Variants in CAPN13 observed in about 807,000 individuals in gnomAD.
CAPN13 encodes calpain 13, also known as calpain-13.
Under a neutral mutation model 98.4 loss-of-function variants are expected in CAPN13, and 90 were observed. The observed-to-expected ratio is 0.92, with a 90% CI of 0.77 to 1.09. The LOEUF (loss-of-function observed/expected upper bound fraction) is 1.09. Ranked by LOEUF, CAPN13 falls within the 50% of genes least tolerant of loss-of-function variation. CAPN13 has a pLI of 0.00. For missense variants in CAPN13, 887 were observed against 841.3 expected, an observed-to-expected ratio of 1.05 and a Z score of -0.67; for synonymous variants, 330 against 305.5, an observed-to-expected ratio of 1.08 and a Z score of -0.84.
intron 15 of CAPN13, chr2:30,741,635 CA>C (rs1671661816): frequency 8.0e-7 from 1 of 1,247,970 alleles, no homozygotes; most frequent in East Asian, 3.6e-5. Flanking sequence ...ATTTAGAGGG[CA>C]ATGCACCTCA....
intron 22 of CAPN13, among the ~76,000 whole-genome samples, chr2:30,730,073 A>C (rs2147941432): frequency 6.6e-6 from 1 of 152,340 alleles, no homozygotes; most frequent in East Asian, 1.9e-4. Context: ...AGGAATACCT[A>C]ACACTCGGAG....
intron 1 of CAPN13, among the ~76,000 whole-genome samples, chr2:30,799,269 G>T (rs1171597599): frequency 6.6e-6 from 1 of 152,218 alleles, no homozygotes; most frequent in African/African-American, 2.4e-5. Flanking sequence ...AAGAACATGT[G>T]AGTATTTCTC....
At chr2:30,763,881 A>G (rs1489471115) in intron 6 of CAPN13, among the ~76,000 whole-genome samples, 2 of 152,196 alleles carry the variant, frequency 1.3e-5, no homozygotes, top group Non-Finnish European at 2.9e-5. Context: ...GCCACTTATG[A>G]GCTGTGTGTT....
At chr2:30,775,479 A>G (rs1209583909) in intron 4 of CAPN13, among the ~76,000 whole-genome samples, 4 of 152,122 alleles carry the variant, frequency 2.6e-5, no homozygotes, top group Admixed American at 1.3e-4. Flanking sequence ...TAAAAAAAAT[A>G]GACAAAATAA....
At chr2:30,738,706 T>C (rs376207020) in intron 15 of CAPN13, among the ~76,000 whole-genome samples, 15 of 152,150 alleles carry the variant, frequency 9.9e-5, no homozygotes, top group African/African-American at 3.4e-4. Flanking sequence ...TTCCTGTCTT[T>C]ATCTATTACT....
intron 12 of CAPN13, 69 bp from the exon 13 acceptor site, chr2:30,743,648 A>C: frequency 7.3e-7 from 1 of 1,366,000 alleles, no homozygotes; most frequent in Non-Finnish European, 1.0e-6. Flanking sequence ...TCACCAAGAA[A>C]GACCCACCAC....
chr2:30,744,548 A>C (rs1671813203), intron 12 of CAPN13, among the ~76,000 whole-genome samples: 1 of 152,006 alleles, frequency 6.6e-6, no homozygotes, highest in African/African-American at 2.4e-5. Context: ...GTGCATGGGG[A>C]GGCAGTGGGC....
At chr2:30,780,764 G>A (rs1244083575) in intron 2 of CAPN13, among the ~76,000 whole-genome samples, 3 of 152,288 alleles carry the variant, frequency 2.0e-5, no homozygotes, top group Middle Eastern at 3.4e-3. Context: ...CTTTAGAGCT[G>A]TGACCAATAA....
At chr2:30,738,901 G>A (rs192028478) in intron 15 of CAPN13, among the ~76,000 whole-genome samples, 24 of 152,148 alleles carry the variant, frequency 1.6e-4, no homozygotes, top group Non-Finnish European at 2.2e-4. Flanking sequence ...GTGTGTGTGC[G>A]TGCACGTGTG....
chr2:30,777,866 T>C (rs559269194), intron 2 of CAPN13, among the ~76,000 whole-genome samples: 6 of 152,296 alleles, frequency 3.9e-5, no homozygotes, highest in African/African-American at 1.4e-4. Flanking sequence ...TGCATTAGCA[T>C]ACTACATGGA....
intron 8 of CAPN13, among the ~76,000 whole-genome samples, chr2:30,757,357 C>T (rs374101357): frequency 1.4e-4 from 21 of 152,340 alleles, no homozygotes; most frequent in South Asian, 8.3e-4. Flanking sequence ...AATGCCAGCC[C>T]AGTTCCCTGG....
At chr2:30,764,420 T>C (rs767997990) in intron 5 of CAPN13, 114 bp from the exon 6 acceptor site, 2 of 1,164,632 alleles carry the variant, frequency 1.7e-6, no homozygotes, top group Non-Finnish European at 2.4e-6. Flanking sequence ...CCTGGTCCAC[T>C]CCTGATCATG....
intron 1 of CAPN13, among the ~76,000 whole-genome samples, chr2:30,792,392 A>G (rs1204660032): frequency 1.3e-5 from 2 of 152,140 alleles, no homozygotes; most frequent in Non-Finnish European, 2.9e-5. Flanking sequence ...CACACATCCT[A>G]TAGACATTAA....
At position 30,807,419 on chromosome 2, in the gene CAPN13, G is replaced by A. The variant is rs1299725357; in HGVS notation, c.-150C>T. On this transcript the variant is annotated 5_prime_UTR_variant, in exon 1 of 23. Transcript: ENST00000295055. ...GGAGGAGAGCATGGCCGGCCGTCTTGGAGAAAGAGCAGTGCTGGTGTCTGC... is the reference window on the plus strand; with the variant it reads ...GGAGGAGAGCATGGCCGGCCGTCTTAGAGAAAGAGCAGTGCTGGTGTCTGC... The A allele has an allele frequency of 1.3e-5, 2 of 152,486 alleles. No individual in the cohort carries two copies. Among genetic ancestry groups the A allele is most frequent in the East Asian group, 1.9e-4 (1 of 5,200 alleles). 9.4% of individuals were successfully genotyped at this position (152,486 alleles called of 1,614,324 possible). A position where few individuals can be genotyped will look rare whatever the true frequency, so the allele number is the denominator to read the frequency against.
chr2:30,793,205 T>A (rs1348371247), intron 1 of CAPN13, among the ~76,000 whole-genome samples: 1 of 151,804 alleles, frequency 6.6e-6, no homozygotes, highest in Non-Finnish European at 1.5e-5. Context: ...AGGTCCTATT[T>A]TGGTATTTTG....
intron 20 of CAPN13, among the ~76,000 whole-genome samples, chr2:30,732,176 A>G (rs1318294171): frequency 6.6e-6 from 1 of 152,308 alleles, no homozygotes; most frequent in East Asian, 1.9e-4. Context: ...AGACGGGGAC[A>G]GCGTTAACCT....
At chr2:30,726,710 A>T (rs888578989) in intron 22 of CAPN13, among the ~76,000 whole-genome samples, 3 of 152,140 alleles carry the variant, frequency 2.0e-5, no homozygotes, top group Non-Finnish European at 4.4e-5. Context: ...ATTGTTCAAA[A>T]AAATTAAAGA....
chr2:30,758,861 C>T (rs1672632079), intron 7 of CAPN13, among the ~76,000 whole-genome samples: 1 of 141,514 alleles, frequency 7.1e-6, no homozygotes, highest in Admixed American at 7.2e-5. Context: ...TCCCTCCCTC[C>T]ATCCTTCAGT....
At chr2:30,796,404 G>C (rs996057661) in intron 1 of CAPN13, among the ~76,000 whole-genome samples, 1 of 151,788 alleles carries the variant, frequency 6.6e-6, no homozygotes, top group Non-Finnish European at 1.5e-5. Context: ...AATAGATTTC[G>C]CAGTTTGACC....
Sources: gnomAD v4.1 joint callset for allele counts (sites outside exome capture counted in the v4.1 genomes callset) on GRCh38, gnomAD v4.1.1 for gene constraint, MANE v1.5 for transcripts, NCBI Gene and HGNC (gene_info 2026-07-23, HGNC 2026-07-21) for gene names.